The following DLG2 variants were observed in gnomAD, a reference collection of about 807,000 sequenced individuals.
The protein encoded by DLG2 is disks large homolog 2.
A neutral mutation model predicts 132.5 loss-of-function variants in DLG2; 45 were observed. The observed-to-expected ratio is 0.34, with a 90% CI of 0.27 to 0.44. The LOEUF (loss-of-function observed/expected upper bound fraction) is 0.44, where lower values mean the gene tolerates loss of function less well. Among genes scored for constraint, DLG2 ranks in the 20% least tolerant of loss-of-function variants. The probability of loss-of-function intolerance (pLI) is 1.00; values close to 1 mark genes in which losing one functional copy is unlikely to be tolerated. For missense variants in DLG2, 1,045 were observed against 1,196.9 expected, an observed-to-expected ratio of 0.87 and a Z score of 1.87; for synonymous variants, 424 against 419.6, an observed-to-expected ratio of 1.01 and a Z score of -0.13.
At chr11:83,742,633 T>C (rs951211161) in intron 18 of DLG2, among the ~76,000 whole-genome samples, 4 of 152,168 alleles carry the variant, frequency 2.6e-5, no homozygotes, top group African/African-American at 9.7e-5. Context: ...TTCCTTCTAG[T>C]TTTAACAGTA....
At chr11:83,889,942 A>G (rs1029743236) in intron 15 of DLG2, among the ~76,000 whole-genome samples, 1 of 114,738 alleles carries the variant, frequency 8.7e-6, no homozygotes, top group African/African-American at 3.4e-5. Context: ...GGGGAACATC[A>G]CACTCTGGGG....
At chr11:84,850,555 C>A (rs986822582) in intron 6 of DLG2, among the ~76,000 whole-genome samples, 1 of 151,850 alleles carries the variant, frequency 6.6e-6, no homozygotes, top group African/African-American at 2.4e-5. Context: ...CTAGCCAGGG[C>A]AATTAGTCAA....
intron 19 of DLG2, among the ~76,000 whole-genome samples, chr11:83,622,120 G>A (rs910615729): frequency 1.3e-5 from 2 of 152,032 alleles, no homozygotes; most frequent in Admixed American, 6.6e-5. Flanking sequence ...TAGAGATGGG[G>A]TTTCACCATG....
intron 4 of DLG2, among the ~76,000 whole-genome samples, chr11:85,215,020 C>T (rs1485019670): frequency 1.3e-5 from 2 of 152,140 alleles, no homozygotes; most frequent in African/African-American, 4.8e-5. Flanking sequence ...GAACCTATCA[C>T]AGTGACCTAT....
chr11:84,611,553 TC>T (rs1330616778), intron 6 of DLG2, among the ~76,000 whole-genome samples: 4 of 152,162 alleles, frequency 2.6e-5, no homozygotes, highest in Non-Finnish European at 4.4e-5. Context: ...ACTCTAATTG[TC>T]ACCCAAGTGC....
intron 5 of DLG2, among the ~76,000 whole-genome samples, chr11:85,146,401 G>T (rs1013461753): frequency 5.9e-5 from 9 of 152,196 alleles, no homozygotes; most frequent in Middle Eastern, 3.4e-3. Flanking sequence ...TTTCCTGGCT[G>T]CTAGTGATGT....
At chr11:84,219,604 T>C (rs1185019207) in intron 8 of DLG2, among the ~76,000 whole-genome samples, 6 of 152,354 alleles carry the variant, frequency 3.9e-5, no homozygotes, top group Admixed American at 3.9e-4. Flanking sequence ...ACCTATATTT[T>C]TTCACTGAAC....
chr11:84,545,948 G>A (rs1166353184), intron 6 of DLG2, among the ~76,000 whole-genome samples: 1 of 151,982 alleles, frequency 6.6e-6, no homozygotes, highest in Non-Finnish European at 1.5e-5. Flanking sequence ...TAGAGATGGG[G>A]TTTCGCCATG....
chr11:85,111,558 C>T (rs2152320667), intron 6 of DLG2, 103 bp downstream of exon 6: 2 of 892,028 alleles, frequency 2.2e-6, no homozygotes, highest in Non-Finnish European at 3.3e-6. Flanking sequence ...ATTTGCTTTA[C>T]TCCAGAATTT....
At chr11:84,067,276 G>A (rs1001894955) in intron 10 of DLG2, among the ~76,000 whole-genome samples, 34 of 152,162 alleles carry the variant, frequency 2.2e-4, no homozygotes, top group South Asian at 8.3e-4. Flanking sequence ...GGGGGTTGCT[G>A]TGAGCCAAGA....
At chr11:84,186,648 A>G (rs1318085291) in intron 8 of DLG2, among the ~76,000 whole-genome samples, 1 of 151,990 alleles carries the variant, frequency 6.6e-6, no homozygotes, top group Non-Finnish European at 1.5e-5. Flanking sequence ...TAGATAAGTT[A>G]GTATATGATC....
chr11:84,808,917 C>G (rs751990503), intron 6 of DLG2, among the ~76,000 whole-genome samples: 1 of 151,808 alleles, frequency 6.6e-6, no homozygotes. Flanking sequence ...CAATCTTTTA[C>G]AGAAAACAGA....
intron 21 of DLG2, among the ~76,000 whole-genome samples, chr11:83,509,292 A>G (rs1287782777): frequency 6.6e-6 from 1 of 152,236 alleles, no homozygotes; most frequent in Non-Finnish European, 1.5e-5. Flanking sequence ...CTTCATCTGC[A>G]TCATGAATTT....
At chr11:84,018,689 G>C (rs2095295964) in intron 11 of DLG2, among the ~76,000 whole-genome samples, 1 of 151,744 alleles carries the variant, frequency 6.6e-6, no homozygotes, top group Non-Finnish European at 1.5e-5. Flanking sequence ...AGTAGAGAGA[G>C]ACATATTGAA....
At chr11:84,197,036 C>CAAAAAAAAAAAA (rs60877284) in intron 8 of DLG2, among the ~76,000 whole-genome samples, 1 of 87,936 alleles carries the variant, frequency 1.1e-5, no homozygotes. Flanking sequence ...GACTCTTTCT[C>CAAAAAAAAAAAA]AAAAAAAAAA....
intron 3 of DLG2, among the ~76,000 whole-genome samples, chr11:85,414,398 CTT>C (rs1246782143): frequency 1.3e-5 from 2 of 151,950 alleles, no homozygotes; most frequent in Non-Finnish European, 2.9e-5. Flanking sequence ...ATCTCTTCCT[CTT>C]GTCTGATTGC....
At chr11:84,611,783 C>T (rs1243906349) in intron 6 of DLG2, among the ~76,000 whole-genome samples, 1 of 152,134 alleles carries the variant, frequency 6.6e-6, no homozygotes, top group South Asian at 2.1e-4. Flanking sequence ...AAAGACTATA[C>T]AATACCTTTA....
intron 18 of DLG2, chr11:83,725,064 T>C: frequency 1.7e-6 from 1 of 576,684 alleles, no homozygotes; most frequent in Admixed American, 2.9e-5. Flanking sequence ...CAGAGCTAGT[T>C]TGAGATGCTT....
At chr11:84,210,578 A>C (rs1423525118) in intron 8 of DLG2, among the ~76,000 whole-genome samples, 3 of 152,056 alleles carry the variant, frequency 2.0e-5, no homozygotes, top group Non-Finnish European at 4.4e-5. Context: ...TCAGAAAAGC[A>C]AAAAACTGCA....
Sources: allele counts gnomAD v4.1 joint callset (sites outside exome capture counted in the v4.1 genomes callset), GRCh38; gene constraint gnomAD v4.1.1; transcripts MANE v1.5; gene names NCBI Gene and HGNC (gene_info 2026-07-23, HGNC 2026-07-21).